The following FAT3 variants were observed in gnomAD, a reference collection of about 807,000 sequenced individuals.
FAT3 encodes the protein protocadherin Fat 3.
In FAT3, 95 loss-of-function variants were observed where a neutral mutation model predicts 310.2. That is an observed-to-expected ratio of 0.31 (90% CI 0.26 to 0.36). FAT3 has a LOEUF of 0.36. Ranked by LOEUF, FAT3 falls within the 10% of genes least tolerant of loss-of-function variation. The probability of loss-of-function intolerance (pLI) is 1.00; values close to 1 mark genes in which losing one functional copy is unlikely to be tolerated. For missense variants in FAT3, 5,408 were observed against 5,715.6 expected, an observed-to-expected ratio of 0.95 and a Z score of 1.74; for synonymous variants, 2,314 against 2,192.9, an observed-to-expected ratio of 1.06 and a Z score of -1.54.
At chr11:92,267,081 C>A (rs1945982492) in intron 1 of FAT3, among the ~76,000 whole-genome samples, 1 of 128,914 alleles carries the variant, frequency 7.8e-6, no homozygotes, top group East Asian at 2.6e-4. Flanking sequence ...GCGGGTGTAG[C>A]TTTCTCAATT....
At chr11:92,314,275 T>C (rs1476924878) in intron 1 of FAT3, 1 of 982,674 alleles carries the variant, frequency 1.0e-6, no homozygotes, top group African/African-American at 1.7e-5. Context: ...TAACAGATTC[T>C]AAGGTTCAGA....
At chr11:92,656,133 A>G (rs1473471928) in intron 3 of FAT3, among the ~76,000 whole-genome samples, 4 of 152,148 alleles carry the variant, frequency 2.6e-5, no homozygotes, top group Non-Finnish European at 5.9e-5. Flanking sequence ...TTTGATTCAA[A>G]CTATCGGCTC....
At chr11:92,641,714 T>C (rs1190049866) in intron 3 of FAT3, among the ~76,000 whole-genome samples, 3 of 152,242 alleles carry the variant, frequency 2.0e-5, no homozygotes, top group Non-Finnish European at 2.9e-5. Flanking sequence ...ACAAAGATCC[T>C]TTTTCCAAAT....
At chr11:92,869,417 A>G (rs932131299) in intron 22 of FAT3, among the ~76,000 whole-genome samples, 7 of 152,232 alleles carry the variant, frequency 4.6e-5, no homozygotes, top group South Asian at 2.1e-4. Flanking sequence ...AGGAGATCCA[A>G]GAAATCCAGG....
chr11:92,545,385 G>C (rs1303295135), intron 3 of FAT3, among the ~76,000 whole-genome samples: 3 of 152,042 alleles, frequency 2.0e-5, no homozygotes, highest in African/African-American at 7.3e-5. Flanking sequence ...GAAGAGCCAG[G>C]GATACAGAGT....
intron 2 of FAT3, among the ~76,000 whole-genome samples, chr11:92,431,381 G>C (rs1279669236): frequency 3.3e-5 from 5 of 152,010 alleles, no homozygotes; most frequent in South Asian, 2.1e-4. Flanking sequence ...TTGTAAATTT[G>C]TTTGAGTTCA....
Position 92,893,484 on chromosome 11 carries a change from C to T in FAT3, c.*2371C>T, listed in dbSNP as rs1026360364. 2 of 152,084 alleles carry T rather than the reference C, an allele frequency of 1.3e-5. No individual in the cohort carries two copies. Among genetic ancestry groups the T allele is most frequent in the African/African-American group, 4.8e-5 (2 of 41,392 alleles). 9.4% of individuals were successfully genotyped at this position (152,084 alleles called of 1,614,324 possible). The stretch of plus-strand genomic sequence containing the variant: ...GTAAAACCAACATGTCATTTCCTGC[C>T]CCCAGGAAATATTAGAATGAGATTA... On this transcript the variant is annotated 3_prime_UTR_variant, in exon 28 of 28. Coordinates refer to ENST00000525166, the MANE Select transcript of FAT3 (RefSeq NM_001367949.2).
chr11:92,785,743 A>T (rs932965737), intron 7 of FAT3, among the ~76,000 whole-genome samples: 1 of 152,188 alleles, frequency 6.6e-6, no homozygotes, highest in Non-Finnish European at 1.5e-5. Flanking sequence ...GGATAGGAAG[A>T]CTACATTAGA....
chr11:92,584,476 T>A (rs1300719494), intron 3 of FAT3, among the ~76,000 whole-genome samples: 1 of 152,058 alleles, frequency 6.6e-6, no homozygotes, highest in Non-Finnish European at 1.5e-5. Context: ...TGACAGCTTT[T>A]TTTCCCCCCC....
At chr11:92,661,669 T>C (rs1249063647) in intron 3 of FAT3, among the ~76,000 whole-genome samples, 1 of 152,124 alleles carries the variant, frequency 6.6e-6, no homozygotes, top group African/African-American at 2.4e-5. Flanking sequence ...CCGATCTGTT[T>C]GGAAGCATCA....
At position 92,330,999 on chromosome 11, in the gene FAT3, T is replaced by TGAGA. The variant is rs1342240682; in HGVS notation, c.-17-21096_-17-21095insAGAG. ...GTGTGTGTGTGTGTGTGTGTGTGTG[T>TGAGA]GTGTGAGAGAGAGAGAGAGAGAAAC... is the stretch of plus-strand genomic sequence containing the variant. On this transcript the variant is annotated intron_variant, in intron 1 of 27. Coordinates refer to ENST00000525166, the MANE Select transcript of FAT3 (RefSeq NM_001367949.2). Among the ~76,000 whole-genome samples, 36 of 117,954 alleles carry TGAGA rather than the reference T, an allele frequency of 3.1e-4. No individual in the cohort carries two copies. In the East Asian group the frequency reaches 5.1e-3, roughly 17 times the overall value. The allele number at this position is 117,954 out of a possible 152,430, so 77.4% of individuals were successfully genotyped here.
chr11:92,313,750 G>A (rs1947366548), intron 1 of FAT3, among the ~76,000 whole-genome samples: 1 of 152,196 alleles, frequency 6.6e-6, no homozygotes, highest in Non-Finnish European at 1.5e-5. Flanking sequence ...AGTAGAGACG[G>A]GGTTTCACCA....
At chr11:92,777,888 C>A (rs1352676984) in intron 7 of FAT3, among the ~76,000 whole-genome samples, 1 of 151,980 alleles carries the variant, frequency 6.6e-6, no homozygotes, top group Non-Finnish European at 1.5e-5. Context: ...TTATTCCTAT[C>A]ATCTGTTAGC....
At chr11:92,477,228 G>A (rs1328369078) in intron 2 of FAT3, among the ~76,000 whole-genome samples, 1 of 152,152 alleles carries the variant, frequency 6.6e-6, no homozygotes, top group Non-Finnish European at 1.5e-5. Context: ...GAGACTGCTT[G>A]TTTTATAGAA....
chr11:92,539,979 A>G (rs1264774449), intron 3 of FAT3, among the ~76,000 whole-genome samples: 1 of 152,124 alleles, frequency 6.6e-6, no homozygotes, highest in Non-Finnish European at 1.5e-5. Context: ...ATTCTTCACA[A>G]TTTTTGAACA....
At chr11:92,762,907 C>T (rs1946194254) in intron 5 of FAT3, among the ~76,000 whole-genome samples, 1 of 152,052 alleles carries the variant, frequency 6.6e-6, no homozygotes, top group Non-Finnish European at 1.5e-5. Flanking sequence ...CCTGTAATCC[C>T]AGCACTTTGG....
intron 3 of FAT3, among the ~76,000 whole-genome samples, chr11:92,696,011 CA>C (rs1309758148): frequency 4.0e-5 from 6 of 151,894 alleles, no homozygotes; most frequent in Admixed American, 6.6e-5. Flanking sequence ...GTCCTCACCA[CA>C]AAAAAATGAT....
rs3847543 is a variant in FAT3 at position 92,846,997 on chromosome 11, A to G, written c.11365+2265A>G. Among the ~76,000 whole-genome samples, 113 of 152,352 alleles carry G rather than the reference A, an allele frequency of 7.4e-4. No homozygotes were observed. The East Asian group carries it at 0.019, about 25-fold the overall frequency. On this transcript the variant is annotated intron_variant, in intron 19 of 27. Coordinates refer to ENST00000525166, the MANE Select transcript of FAT3 (RefSeq NM_001367949.2). ...GATGTGGTAGCTTTGTGCCTTGCCCAGGGCCATACAGCTGATGAGAGTAGC... is the reference window on the plus strand; with the variant it reads ...GATGTGGTAGCTTTGTGCCTTGCCCGGGGCCATACAGCTGATGAGAGTAGC...
chr11:92,885,301 A>AT (rs1222256123), intron 24 of FAT3, among the ~76,000 whole-genome samples: 1 of 152,208 alleles, frequency 6.6e-6, no homozygotes, highest in Non-Finnish European at 1.5e-5. Flanking sequence ...TTACCAGGCC[A>AT]TCATTCCACG....
Sources: gnomAD v4.1 joint callset for allele counts (sites outside exome capture counted in the v4.1 genomes callset) on GRCh38, gnomAD v4.1.1 for gene constraint, MANE v1.5 for transcripts, NCBI Gene and HGNC (gene_info 2026-07-23, HGNC 2026-07-21) for gene names.